Variants in ADAMTS19 observed in about 807,000 individuals in gnomAD.
The protein encoded by ADAMTS19 is A disintegrin and metalloproteinase with thrombospondin motifs 19.
Under a neutral mutation model 153.3 loss-of-function variants are expected in ADAMTS19, and 93 were observed. That is an observed-to-expected ratio of 0.61 (90% CI 0.51 to 0.72). The LOEUF is 0.72. Among genes scored for constraint, ADAMTS19 ranks in the 30% least tolerant of loss-of-function variants. The pLI is 0.00. For synonymous variants in ADAMTS19, 600 were observed against 556.6 expected, an observed-to-expected ratio of 1.08 and a Z score of -1.10; for missense variants, 1,482 against 1,552.1, an observed-to-expected ratio of 0.95 and a Z score of 0.76.
At chr5:129,560,109 T>C (rs1031722230) in intron 7 of ADAMTS19, among the ~76,000 whole-genome samples, 2 of 152,218 alleles carry the variant, frequency 1.3e-5, no homozygotes, top group Non-Finnish European at 2.9e-5. Context: ...CCCAGGATTC[T>C]GGATACCTAT....
intron 21 of ADAMTS19, among the ~76,000 whole-genome samples, chr5:129,733,660 T>C (rs1581274796): frequency 6.6e-6 from 1 of 152,000 alleles, no homozygotes; most frequent in African/African-American, 2.4e-5. Flanking sequence ...AAACAACAGA[T>C]GTTGGTGAGG....
intron 2 of ADAMTS19, among the ~76,000 whole-genome samples, chr5:129,502,044 T>C (rs1278704549): frequency 6.6e-6 from 1 of 151,828 alleles, no homozygotes; most frequent in Non-Finnish European, 1.5e-5. Flanking sequence ...TGGGGAATCA[T>C]CTCCATAAAG....
chr5:129,672,603 T>C (rs1242554797), intron 16 of ADAMTS19, among the ~76,000 whole-genome samples: 1 of 151,880 alleles, frequency 6.6e-6, no homozygotes, highest in Non-Finnish European at 1.5e-5. Flanking sequence ...GAGAGAGAAA[T>C]TGCACCACAA....
chr5:129,473,482 T>C (rs1304273726), intron 2 of ADAMTS19, among the ~76,000 whole-genome samples: 1 of 152,122 alleles, frequency 6.6e-6, no homozygotes, highest in Non-Finnish European at 1.5e-5. Flanking sequence ...ATGAAGTAAA[T>C]AGAACTTTAA....
At chr5:129,724,028 C>A (rs1327937813) in intron 21 of ADAMTS19, among the ~76,000 whole-genome samples, 1 of 152,124 alleles carries the variant, frequency 6.6e-6, no homozygotes, top group Non-Finnish European at 1.5e-5. Flanking sequence ...GTTGCGGAGA[C>A]CACTGTTCTT....
chr5:129,696,412 T>TA (rs1228025341), intron 19 of ADAMTS19, among the ~76,000 whole-genome samples: 1 of 152,202 alleles, frequency 6.6e-6, no homozygotes, highest in East Asian at 1.9e-4. Context: ...AAACTACATC[T>TA]AAAAAAAGAA....
chr5:129,628,917 C>T (rs1237698611), intron 10 of ADAMTS19, among the ~76,000 whole-genome samples: 1 of 152,056 alleles, frequency 6.6e-6, no homozygotes, highest in Non-Finnish European at 1.5e-5. Flanking sequence ...CAACAATGTT[C>T]ACACAATGAC....
chr5:129,534,648 G>C (rs1752347183), intron 6 of ADAMTS19, among the ~76,000 whole-genome samples: 1 of 152,140 alleles, frequency 6.6e-6, no homozygotes, highest in South Asian at 2.1e-4. Flanking sequence ...CAATATCCTT[G>C]ATGAACATTG....
chr5:129,526,957 A>G (rs1752034527), intron 4 of ADAMTS19, among the ~76,000 whole-genome samples: 1 of 151,924 alleles, frequency 6.6e-6, no homozygotes, highest in Non-Finnish European at 1.5e-5. Flanking sequence ...GTTAATTATG[A>G]TGCGATATAA....
Position 129,477,938 on chromosome 5 carries a change from C to A in ADAMTS19, c.747+16181C>A, listed in dbSNP as rs575306528. On this transcript the variant is annotated intron_variant, in intron 2 of 22. Transcript: ENST00000274487. ...CAACCATGTGTTCAGTGCCTGTTTC[C>A]CCTTCTATTCTCAGTATTCTTAAAT... is the stretch of plus-strand genomic sequence containing the variant. 1.4e-4 allele frequency among the ~76,000 whole-genome samples: 22 copies of A among 152,164 alleles called. No homozygotes were observed. In the East Asian group the frequency reaches 2.3e-3, roughly 16 times the overall value.
chr5:129,675,623 C>A (rs1189896377), intron 16 of ADAMTS19, among the ~76,000 whole-genome samples: 1 of 151,970 alleles, frequency 6.6e-6, no homozygotes, highest in Admixed American at 6.6e-5. Context: ...TTTTCTATTT[C>A]TATTTTACAT....
At chr5:129,544,242 A>C (rs950083125) in intron 6 of ADAMTS19, among the ~76,000 whole-genome samples, 6 of 152,232 alleles carry the variant, frequency 3.9e-5, no homozygotes, top group African/African-American at 1.4e-4. Flanking sequence ...AATAATTTAT[A>C]AGTAAAATAA....
Position 129,528,639 on chromosome 5 carries a change from A to G in ADAMTS19, c.1290A>G (p.Glu430=). The change falls in exon 6 of 23, where the codon GAA becomes GAG. Residue 430 remains glutamate (E), a synonymous_variant. Transcript: ENST00000274487. ...TAGAGATGTCAACAAACTGGGGGGA[A>G]GACATGACTTCAGTGGATGCAGCTA... ...IHLEMSTNWG[E]DMTSVDAAIL... is the part of the protein sequence containing the mutation. 1 of 1,602,452 alleles carries G rather than the reference A, an allele frequency of 6.2e-7. No individual in the cohort carries two copies. Among genetic ancestry groups the G allele is most frequent in the South Asian group, 1.1e-5 (1 of 88,914 alleles).
chr5:129,583,529 C>A (rs1270557687), intron 7 of ADAMTS19, among the ~76,000 whole-genome samples: 1 of 152,006 alleles, frequency 6.6e-6, no homozygotes, highest in Non-Finnish European at 1.5e-5. Context: ...CCATTCTCCC[C>A]GTCACTTTCA....
chr5:129,563,819 T>C (rs1021561398), intron 7 of ADAMTS19, among the ~76,000 whole-genome samples: 2 of 152,198 alleles, frequency 1.3e-5, no homozygotes, highest in Admixed American at 6.5e-5. Flanking sequence ...TTCTGACCTC[T>C]AGCTATTCAA....
chr5:129,716,262 A>G (rs1014054639), intron 21 of ADAMTS19, among the ~76,000 whole-genome samples: 18 of 151,946 alleles, frequency 1.2e-4, no homozygotes, highest in African/African-American at 4.4e-4. Context: ...CAGTGGTGCA[A>G]TCTCAGCTCA....
intron 6 of ADAMTS19, among the ~76,000 whole-genome samples, chr5:129,531,511 G>A (rs975600003): frequency 1.3e-5 from 2 of 152,082 alleles, no homozygotes; most frequent in East Asian, 1.9e-4. Flanking sequence ...TGTAGTCCCA[G>A]CTACCTGGGA....
chr5:129,622,945 G>C lies in ADAMTS19; in HGVS notation c.1770+597G>C, dbSNP rs149948134. ...TTATCTGTGGTTGGTTGGATCCCTG[G>C]ATGTGGAAACTACAAACGGGGAGGG... On this transcript the variant is annotated intron_variant, in intron 10 of 22. Transcript: ENST00000274487. 3.2e-3 allele frequency among the ~76,000 whole-genome samples: 479 copies of C among 151,984 alleles called. 8 individuals are homozygous for C. Among genetic ancestry groups the C allele is most frequent in the Middle Eastern group, 0.017 (5 of 294 alleles).
At chr5:129,677,431 C>G (rs528344802) in intron 16 of ADAMTS19, among the ~76,000 whole-genome samples, 1 of 151,346 alleles carries the variant, frequency 6.6e-6, no homozygotes, top group Non-Finnish European at 1.5e-5. Context: ...GAGCTGAGAT[C>G]GGGCCACTGC....
Sources: allele counts gnomAD v4.1 joint callset (sites outside exome capture counted in the v4.1 genomes callset), GRCh38; gene constraint gnomAD v4.1.1; transcripts MANE v1.5; gene names NCBI Gene and HGNC (gene_info 2026-07-23, HGNC 2026-07-21).